Variants in ENOX1 observed in about 807,000 individuals in gnomAD.
The protein encoded by ENOX1 is candidate growth-related and time keeping constitutive hydroquinone (NADH) oxidase.
ENOX1 carries 42 observed loss-of-function variants against 82.5 expected under a neutral mutation model. The ratio of observed to expected loss-of-function variants is 0.51; its 90% CI spans 0.40 to 0.66. The LOEUF (loss-of-function observed/expected upper bound fraction) is 0.66, where lower values mean the gene tolerates loss of function less well. Ranked by LOEUF, ENOX1 falls within the 30% of genes least tolerant of loss-of-function variation. The pLI is 0.00. For synonymous variants in ENOX1, 271 were observed against 282.2 expected, an observed-to-expected ratio of 0.96 and a Z score of 0.40; for missense variants, 608 against 811.6, an observed-to-expected ratio of 0.75 and a Z score of 3.05.
intron 12 of ENOX1, among the ~76,000 whole-genome samples, chr13:43,277,376 G>A (rs2045108551): frequency 6.6e-6 from 1 of 152,180 alleles, no homozygotes. Context: ...CAGCTAGACC[G>A]CACAGCCGAG....
At chr13:43,244,645 A>G (rs928343455) in intron 14 of ENOX1, among the ~76,000 whole-genome samples, 1 of 152,114 alleles carries the variant, frequency 6.6e-6, no homozygotes, top group Non-Finnish European at 1.5e-5. Flanking sequence ...CCCACACCCT[A>G]AATAGAGAAA....
chr13:43,359,581 G>C (rs1353482458), intron 7 of ENOX1, among the ~76,000 whole-genome samples: 1 of 152,102 alleles, frequency 6.6e-6, no homozygotes. Flanking sequence ...TCATAATATT[G>C]CTTCTCATCT....
At chr13:43,548,872 T>C (rs1378842289) in intron 2 of ENOX1, among the ~76,000 whole-genome samples, 1 of 152,178 alleles carries the variant, frequency 6.6e-6, no homozygotes, top group Non-Finnish European at 1.5e-5. Flanking sequence ...CAAAACTGGG[T>C]TCAGATATTA....
chr13:43,580,651 A>C (rs2080676018), intron 2 of ENOX1, among the ~76,000 whole-genome samples: 1 of 152,208 alleles, frequency 6.6e-6, no homozygotes, highest in Non-Finnish European at 1.5e-5. Context: ...AATTCTGATG[A>C]GCTAGCCAAA....
chr13:43,721,722 C>G (rs1284607218), intron 1 of ENOX1, among the ~76,000 whole-genome samples: 2 of 152,050 alleles, frequency 1.3e-5, no homozygotes, highest in African/African-American at 4.8e-5. Context: ...GCTTTTTGCA[C>G]AAGGGGCCCC....
At chr13:43,285,795 A>G (rs1300286388) in intron 12 of ENOX1, among the ~76,000 whole-genome samples, 1 of 125,932 alleles carries the variant, frequency 7.9e-6, no homozygotes, top group Non-Finnish European at 1.6e-5. Context: ...GGGTGACAAG[A>G]GTGAGACTCT....
At chr13:43,255,906 C>T (rs2043720054) in intron 14 of ENOX1, among the ~76,000 whole-genome samples, 1 of 151,968 alleles carries the variant, frequency 6.6e-6, no homozygotes, top group Non-Finnish European at 1.5e-5. Flanking sequence ...TTCATAGAAA[C>T]AGAAAAATAC....
intron 1 of ENOX1, among the ~76,000 whole-genome samples, chr13:43,785,815 C>T (rs763020432): frequency 6.6e-6 from 1 of 152,140 alleles, no homozygotes; most frequent in Non-Finnish European, 1.5e-5. Context: ...CCGCGAGCCC[C>T]GGGTGTCCAA....
chr13:43,676,205 C>T (rs1442538976), intron 1 of ENOX1, among the ~76,000 whole-genome samples: 1 of 152,094 alleles, frequency 6.6e-6, no homozygotes, highest in Non-Finnish European at 1.5e-5. Flanking sequence ...AAAAGCACTG[C>T]ACACATTTTA....
chr13:43,469,616 A>C (rs1024552104), intron 3 of ENOX1, among the ~76,000 whole-genome samples: 1 of 152,018 alleles, frequency 6.6e-6, no homozygotes, highest in Non-Finnish European at 1.5e-5. Flanking sequence ...GTTTTAAAGA[A>C]GATCTATATA....
chr13:43,757,048 A>T (rs552496260), intron 1 of ENOX1, among the ~76,000 whole-genome samples: 1 of 152,020 alleles, frequency 6.6e-6, no homozygotes, highest in African/African-American at 2.4e-5. Context: ...TAACATAGAC[A>T]TATAATATTG....
intron 14 of ENOX1, among the ~76,000 whole-genome samples, chr13:43,249,166 G>GA (rs10709125): frequency 1.9e-4 from 29 of 151,610 alleles, no homozygotes; most frequent in Admixed American, 1.8e-3. Flanking sequence ...CTAAAAATGA[G>GA]AAAAAAAAAA....
intron 1 of ENOX1, among the ~76,000 whole-genome samples, chr13:43,682,972 G>A (rs2085870021): frequency 6.6e-6 from 1 of 152,104 alleles, no homozygotes; most frequent in African/African-American, 2.4e-5. Context: ...ATAAACTTTG[G>A]GTTTTTAATA....
At chr13:43,235,029 G>T (rs1324490830) in intron 15 of ENOX1, among the ~76,000 whole-genome samples, 1 of 152,130 alleles carries the variant, frequency 6.6e-6, no homozygotes, top group East Asian at 1.9e-4. Context: ...ATCATTAATT[G>T]CTTTGTTCAT....
At chr13:43,328,035 CA>C (rs1368146476) in intron 9 of ENOX1, among the ~76,000 whole-genome samples, 5 of 152,170 alleles carry the variant, frequency 3.3e-5, no homozygotes, top group Admixed American at 2.6e-4. Flanking sequence ...TCAATTTTAA[CA>C]GGAGGATTTG....
At chr13:43,397,697 G>A (rs2053239693) in intron 5 of ENOX1, among the ~76,000 whole-genome samples, 1 of 152,192 alleles carries the variant, frequency 6.6e-6, no homozygotes, top group African/African-American at 2.4e-5. Flanking sequence ...ATGATAGATA[G>A]CAAGATAATG....
intron 1 of ENOX1, among the ~76,000 whole-genome samples, chr13:43,705,914 T>C (rs2087249945): frequency 6.6e-6 from 1 of 152,062 alleles, no homozygotes; most frequent in Non-Finnish European, 1.5e-5. Context: ...ACAGACTATA[T>C]ATTGGAATAA....
At chr13:43,714,420 T>A (rs1487497509) in intron 1 of ENOX1, among the ~76,000 whole-genome samples, 1 of 152,196 alleles carries the variant, frequency 6.6e-6, no homozygotes. Flanking sequence ...TCTGTAGATG[T>A]CTATTAGGTC....
rs1183195111 is a variant in ENOX1 at position 43,632,368 on chromosome 13, TTC to T, written c.-219+35109_-219+35110del. On this transcript the variant is annotated intron_variant, in intron 2 of 16. Transcript: ENST00000690772. ...ATCATATATATTCATCAATTATATT[TTC>T]TTTTTTTAATGTATTTCTTTTTCTA... 1.1e-4 allele frequency among the ~76,000 whole-genome samples: 17 copies of T among 151,962 alleles called. No individual in the cohort carries two copies. The East Asian group carries it at 1.7e-3, about 16-fold the overall frequency.
Sources: allele counts gnomAD v4.1 joint callset (sites outside exome capture counted in the v4.1 genomes callset), GRCh38; gene constraint gnomAD v4.1.1; transcripts MANE v1.5; gene names NCBI Gene and HGNC (gene_info 2026-07-23, HGNC 2026-07-21).